Variants in HNRNPL observed in about 807,000 individuals in gnomAD.
HNRNPL encodes heterogeneous nuclear ribonucleoprotein L.
Under a neutral mutation model 64.0 loss-of-function variants are expected in HNRNPL, and 12 were observed. The ratio of observed to expected loss-of-function variants is 0.19; its 90% CI spans 0.12 to 0.30. HNRNPL has a LOEUF of 0.30. HNRNPL is among the 10% of genes least tolerant of loss of function. HNRNPL has a pLI of 1.00. For missense variants in HNRNPL, 484 were observed against 797.4 expected (o/e 0.61, Z 4.73); for synonymous variants, 385 against 313.0 (o/e 1.23, Z -2.43).
intron 4 of HNRNPL, 58 bp downstream of exon 4, chr19:38,845,592 T>C (rs1246981843): frequency 2.2e-6 from 3 of 1,392,524 alleles, no homozygotes; most frequent in Non-Finnish European, 3.1e-6. Context: ...GAATGGCCAC[T>C]GTCAAGCCCT....
chr19:38,850,764 T>G (rs1362454377), upstream of HNRNPL, among the ~76,000 whole-genome samples: 1 of 152,194 alleles, frequency 6.6e-6, no homozygotes, highest in African/African-American at 2.4e-5. Flanking sequence ...TAGGAGGAAT[T>G]GTTAAAATCC....
intron 10 of HNRNPL, 131 bp from the exon 11 acceptor site, chr19:38,837,782 T>A: frequency 1.4e-6 from 1 of 717,656 alleles, no homozygotes. Flanking sequence ...TTTTATCACA[T>A]ACCCTAAGGC....
At chr19:38,840,903 G>A in intron 6 of HNRNPL, 1 of 310,634 alleles carries the variant, frequency 3.2e-6, no homozygotes, top group Non-Finnish European at 5.9e-6. Context: ...GATATATTAT[G>A]GCGGGCCAAA....
At chr19:38,847,615 G>C (rs144465574) in intron 1 of HNRNPL, 181 bp from the exon 2 acceptor site, 50 of 371,252 alleles carry the variant, frequency 1.3e-4, no homozygotes, top group African/African-American at 9.4e-4. Context: ...TGGGTCAGCA[G>C]AACAGTGGTC....
chr19:38,839,894 A>G (rs936697755), intron 8 of HNRNPL, among the ~76,000 whole-genome samples: 3 of 152,154 alleles, frequency 2.0e-5, no homozygotes, highest in Admixed American at 2.0e-4. Context: ...TTTTTTAAAC[A>G]TTGGTAATTC....
At chr19:38,845,527 G>C in intron 4 of HNRNPL, 123 bp downstream of exon 4, 1 of 759,480 alleles carries the variant, frequency 1.3e-6, no homozygotes, top group East Asian at 2.5e-5. Context: ...GCTCTGTGAA[G>C]GCATCTGGCA....
chr19:38,849,647 G>C (rs994736128), intron 1 of HNRNPL, 53 bp downstream of exon 1: 2 of 1,306,082 alleles, frequency 1.5e-6, no homozygotes, highest in South Asian at 2.4e-5. Flanking sequence ...CCTCAAGCTG[G>C]GAAATTGTCC....
upstream of HNRNPL, among the ~76,000 whole-genome samples, chr19:38,851,861 CG>C (rs1375856547): frequency 6.6e-6 from 1 of 152,078 alleles, no homozygotes; most frequent in Non-Finnish European, 1.5e-5. Flanking sequence ...CTGGGGACCT[CG>C]GTCAGCTCCC....
chr19:38,847,457 G>C (rs1284676888), intron 1 of HNRNPL, 23 bp from the exon 2 acceptor site: 1 of 1,415,300 alleles, frequency 7.1e-7, no homozygotes, highest in Admixed American at 2.4e-5. Context: ...GCAAAAACAA[G>C]AATTATTTTC....
intron 1 of HNRNPL, among the ~76,000 whole-genome samples, chr19:38,847,875 T>C (rs1012934006): frequency 2.0e-5 from 3 of 152,186 alleles, no homozygotes; most frequent in Non-Finnish European, 4.4e-5. Flanking sequence ...CCCAAATTCC[T>C]TGCCCTTTAA....
intron 4 of HNRNPL, chr19:38,845,427 G>C (rs1021107526): frequency 5.6e-6 from 3 of 539,810 alleles, no homozygotes; most frequent in Non-Finnish European, 9.9e-6. Context: ...AAATTCCTTT[G>C]TATCTCCCAA....
upstream of HNRNPL, chr19:38,851,291 G>C (rs1255414372): frequency 6.6e-6 from 1 of 152,274 alleles, no homozygotes; most frequent in Non-Finnish European, 1.5e-5. Context: ...TCCAGACTCC[G>C]GCGAAGCCCA....
intron 11 of HNRNPL, 57 bp downstream of exon 11, chr19:38,837,537 C>G (rs536995021): frequency 6.2e-7 from 1 of 1,610,458 alleles, no homozygotes; most frequent in Non-Finnish European, 8.5e-7. Flanking sequence ...AGGAACTAGG[C>G]AGCTGCCCAC....
intron 11 of HNRNPL, 21 bp downstream of exon 11, chr19:38,837,573 A>T: frequency 6.2e-7 from 1 of 1,613,286 alleles, no homozygotes; most frequent in Non-Finnish European, 8.5e-7. Context: ...TAGGGCAAGG[A>T]GGTGGGCACA....
Position 38,837,373 on chromosome 19 carries a change from C to CA in HNRNPL, c.1711+10dup, listed in dbSNP as rs751320266. ...ACCAGGTTGATGCCTGCAGGACACA[C>CA]AGATACTCACTTGGGTTTTTCATCT... On this transcript the variant is annotated intron_variant, in intron 12 of 12. Transcript: ENST00000221419. The CA allele has an allele frequency of 2.5e-6, 4 of 1,608,416 alleles. No homozygotes were observed. Among genetic ancestry groups the CA allele is most frequent in the Non-Finnish European group, 3.4e-6 (4 of 1,174,920 alleles).
chr19:38,840,328 C>T lies in HNRNPL; in HGVS notation c.1001G>A (p.Gly334Glu). The T allele has an allele frequency of 6.5e-7, 1 of 1,545,400 alleles. No individual in the cohort carries two copies. The highest frequency in any genetic ancestry group is 8.8e-7 in the Non-Finnish European group (1 of 1,141,606). Reference sequence around the variant, plus strand: ...CCCTTCGTAGTGAGGTGGGGGGGGCCCGTAGCCCTCATCATGGTAATGGCT... The same window carrying T: ...CCCTTCGTAGTGAGGTGGGGGGGGCTCGTAGCCCTCATCATGGTAATGGCT... ...YHSHYHDEGYGPPPPHYEGRR... is the reference protein window; with the variant it reads ...YHSHYHDEGYEPPPPHYEGRR... The change falls in exon 8 of 13, where the codon GGG becomes GAG. Residue 334 changes from glycine to glutamate, a missense_variant. Coordinates refer to ENST00000221419, the MANE Select transcript of HNRNPL (RefSeq NM_001533.3).
At chr19:38,846,165 G>A (rs1040454580) in intron 2 of HNRNPL, 75 bp from the exon 3 acceptor site, 35 of 1,109,034 alleles carry the variant, frequency 3.2e-5, no homozygotes, top group East Asian at 1.4e-4. Context: ...GATTTTTTGA[G>A]AACTGACTCC....
chr19:38,846,319 C>T (rs1972293895), intron 2 of HNRNPL, among the ~76,000 whole-genome samples: 1 of 152,216 alleles, frequency 6.6e-6, no homozygotes, highest in East Asian at 1.9e-4. Flanking sequence ...CCTCACCAGA[C>T]TGTCAGATGC....
At position 38,840,078 on chromosome 19, in the gene HNRNPL, G is replaced by A. The variant is rs750820902; in HGVS notation, c.1233+18C>T. On this transcript the variant is annotated intron_variant, in intron 8 of 12. Transcript: ENST00000221419. ...ACGAGGCTCAGCGAGGAACCCAGGG[G>A]GCCCGGCAGCAGCTCACCTTCTCCA... is the stretch of plus-strand genomic sequence containing the variant. 6.2e-7 allele frequency: 1 copy of A among 1,612,754 alleles called. No individual in the cohort carries two copies. The highest frequency in any genetic ancestry group is 8.5e-7 in the Non-Finnish European group (1 of 1,179,522).
Sources: gnomAD v4.1 joint callset for allele counts (sites outside exome capture counted in the v4.1 genomes callset) on GRCh38, gnomAD v4.1.1 for gene constraint, MANE v1.5 for transcripts, NCBI Gene and HGNC (gene_info 2026-07-23, HGNC 2026-07-21) for gene names.